CEP112: variants seen among roughly 807,000 people sequenced by gnomAD.
CEP112 encodes the protein centrosomal protein 112, also known as centrosomal protein of 112 kDa.
A neutral mutation model predicts 153.0 loss-of-function variants in CEP112; 127 were observed. The observed-to-expected ratio is 0.83, with a 90% confidence interval of 0.72 to 0.96. The LOEUF (loss-of-function observed/expected upper bound fraction) is 0.96. CEP112 is among the 40% of genes least tolerant of loss of function. CEP112 has a pLI of 0.00. For synonymous variants in CEP112, 358 were observed against 374.4 expected, an observed-to-expected ratio of 0.96 and a Z score of 0.51; for missense variants, 1,089 against 1,101.2, an observed-to-expected ratio of 0.99 and a Z score of 0.16.
chr17:65,869,191 C>T (rs2058573561), intron 20 of CEP112, among the ~76,000 whole-genome samples: 1 of 152,126 alleles, frequency 6.6e-6, no homozygotes, highest in African/African-American at 2.4e-5. Flanking sequence ...TTTAAGATCC[C>T]TTAAATGACC....
At chr17:65,776,277 C>T (rs890087896) in intron 21 of CEP112, among the ~76,000 whole-genome samples, 1 of 152,230 alleles carries the variant, frequency 6.6e-6, no homozygotes, top group Non-Finnish European at 1.5e-5. Flanking sequence ...CTCTGTCGCC[C>T]AGGCTGGAGT....
At position 65,826,910 on chromosome 17, in the gene CEP112, T is replaced by C. The variant is rs536295636; in HGVS notation, c.2394+24894A>G. On this transcript the variant is annotated intron_variant, in intron 21 of 26. Transcript: ENST00000535342. ...AGGGTGTTGGCAAAGGAGATTAACATTTGAGTCAGTGGACTGGGAGAGGCA... is the reference window on the plus strand; with the variant it reads ...AGGGTGTTGGCAAAGGAGATTAACACTTGAGTCAGTGGACTGGGAGAGGCA... Among the ~76,000 whole-genome samples, 139 of 152,208 alleles carry C rather than the reference T, an allele frequency of 9.1e-4. 1 individual carries two copies. Among genetic ancestry groups the C allele is most frequent in the African/African-American group, 2.8e-3 (118 of 41,548 alleles).
At chr17:66,079,210 T>A (rs2067620550) in intron 8 of CEP112, among the ~76,000 whole-genome samples, 1 of 152,092 alleles carries the variant, frequency 6.6e-6, no homozygotes, top group Non-Finnish European at 1.5e-5. Context: ...GAGGCTGAAA[T>A]GGGTGGATCA....
chr17:65,962,857 C>T (rs2062262584), intron 17 of CEP112, among the ~76,000 whole-genome samples: 1 of 152,178 alleles, frequency 6.6e-6, no homozygotes, highest in African/African-American at 2.4e-5. Context: ...GTGAGGCCTC[C>T]CCAGCCACGT....
intron 23 of CEP112, among the ~76,000 whole-genome samples, chr17:65,708,623 C>G (rs1041757252): frequency 6.6e-6 from 1 of 151,984 alleles, no homozygotes; most frequent in African/African-American, 2.4e-5. Flanking sequence ...TTCTCTTGCC[C>G]CTTGGTGAAA....
At chr17:65,715,192 G>C (rs1004344494) in intron 23 of CEP112, among the ~76,000 whole-genome samples, 7 of 152,120 alleles carry the variant, frequency 4.6e-5, no homozygotes, top group African/African-American at 1.7e-4. Flanking sequence ...AGGATGGAGG[G>C]GAAATATGCT....
chr17:65,929,718 C>T (rs1430689321), intron 18 of CEP112, among the ~76,000 whole-genome samples: 1 of 152,166 alleles, frequency 6.6e-6, no homozygotes, highest in Admixed American at 6.5e-5. Context: ...TATCACAGTG[C>T]CTGGCACATA....
chr17:66,176,120 G>A (rs1256140747), intron 3 of CEP112, among the ~76,000 whole-genome samples: 1 of 152,160 alleles, frequency 6.6e-6, no homozygotes, highest in Non-Finnish European at 1.5e-5. Flanking sequence ...TGTGCTTTAA[G>A]TAAACTAATA....
At chr17:65,805,325 C>T (rs894353098) in intron 21 of CEP112, among the ~76,000 whole-genome samples, 22 of 152,200 alleles carry the variant, frequency 1.4e-4, no homozygotes, top group African/African-American at 5.1e-4. Flanking sequence ...TAGTCCCTTG[C>T]TCATGCTACT....
intron 17 of CEP112, among the ~76,000 whole-genome samples, chr17:65,993,405 T>C (rs1038412790): frequency 6.6e-6 from 1 of 152,206 alleles, no homozygotes; most frequent in Non-Finnish European, 1.5e-5. Flanking sequence ...TGAACATATG[T>C]ATGCATGTAT....
At chr17:65,661,782 C>A (rs74006877) in intron 24 of CEP112, 1 of 152,156 alleles carries the variant, frequency 6.6e-6, no homozygotes, top group Non-Finnish European at 1.5e-5. Flanking sequence ...TATACAACCA[C>A]GTAGACCTGG....
chr17:66,031,340 T>C (rs990574872), intron 12 of CEP112, among the ~76,000 whole-genome samples: 1 of 107,352 alleles, frequency 9.3e-6, no homozygotes, highest in African/African-American at 3.8e-5. Context: ...ACAGACAAGA[T>C]AAACTAAAAA....
At chr17:65,932,887 G>C (rs1031131132) in intron 18 of CEP112, among the ~76,000 whole-genome samples, 2 of 152,148 alleles carry the variant, frequency 1.3e-5, no homozygotes, top group African/African-American at 4.8e-5. Context: ...TTGGGACACA[G>C]ATCTACACCG....
chr17:65,705,957 A>G (rs1194921634), intron 23 of CEP112, among the ~76,000 whole-genome samples: 1 of 152,200 alleles, frequency 6.6e-6, no homozygotes, highest in Non-Finnish European at 1.5e-5. Flanking sequence ...TACACAGTGT[A>G]AAACGACTTG....
chr17:65,812,536 A>G (rs934953264), intron 21 of CEP112, among the ~76,000 whole-genome samples: 14 of 152,198 alleles, frequency 9.2e-5, no homozygotes, highest in Non-Finnish European at 1.8e-4. Context: ...GCAGCTGACA[A>G]GGGCACCTGA....
chr17:66,028,621 T>C (rs905567834), intron 14 of CEP112, among the ~76,000 whole-genome samples: 1 of 151,858 alleles, frequency 6.6e-6, no homozygotes, highest in Non-Finnish European at 1.5e-5. Flanking sequence ...TTAAATATTA[T>C]GAAAATGTAA....
At chr17:65,868,719 T>G (rs1420161968) in intron 20 of CEP112, among the ~76,000 whole-genome samples, 1 of 152,198 alleles carries the variant, frequency 6.6e-6, no homozygotes, top group African/African-American at 2.4e-5. Flanking sequence ...ATTTATATAA[T>G]GCATACAACT....
chr17:65,913,990 A>C, intron 19 of CEP112: 20 of 480,856 alleles, frequency 4.2e-5, no homozygotes, highest in Non-Finnish European at 5.4e-5. Flanking sequence ...GCCAGATCTC[A>C]GTTGAAACTC....
At chr17:65,874,419 C>G (rs2058757088) in intron 20 of CEP112, among the ~76,000 whole-genome samples, 1 of 152,050 alleles carries the variant, frequency 6.6e-6, no homozygotes, top group Non-Finnish European at 1.5e-5. Flanking sequence ...TTTTGTTTTA[C>G]TTTATCAACA....
Sources: allele counts gnomAD v4.1 joint callset (sites outside exome capture counted in the v4.1 genomes callset), GRCh38; gene constraint gnomAD v4.1.1; transcripts MANE v1.5; gene names NCBI Gene and HGNC (gene_info 2026-07-23, HGNC 2026-07-21).